Variants in TRAK1 observed in about 807,000 individuals in gnomAD.
The protein encoded by TRAK1 is trafficking kinesin protein 1, also known as trafficking kinesin-binding protein 1.
In TRAK1, 33 loss-of-function variants were observed where a neutral mutation model predicts 92.1. That is an observed-to-expected ratio of 0.36 (90% CI 0.27 to 0.48). TRAK1 has a LOEUF of 0.48. Ranked by LOEUF, TRAK1 falls within the 20% of genes least tolerant of loss-of-function variation. The pLI is 0.99. For synonymous variants in TRAK1, 521 were observed against 517.3 expected (o/e 1.01, Z -0.10); for missense variants, 1,123 against 1,257.9 (o/e 0.89, Z 1.62).
intron 2 of TRAK1, among the ~76,000 whole-genome samples, chr3:42,142,206 C>T (rs1368659667): frequency 6.6e-6 from 1 of 152,184 alleles, no homozygotes; most frequent in Non-Finnish European, 1.5e-5. Context: ...TTCACAGCTT[C>T]CAGGTGGACA....
intron 2 of TRAK1, among the ~76,000 whole-genome samples, chr3:42,171,677 A>T (rs1385846155): frequency 6.6e-6 from 1 of 152,070 alleles, no homozygotes; most frequent in Non-Finnish European, 1.5e-5. Context: ...CCCCAATGCC[A>T]CACCACCTTT....
intron 1 of TRAK1, among the ~76,000 whole-genome samples, chr3:42,107,327 A>G (rs1158929712): frequency 6.6e-6 from 1 of 152,108 alleles, no homozygotes; most frequent in African/African-American, 2.4e-5. Context: ...CATCGTGGCC[A>G]ACATGAGGAA....
At chr3:42,064,459 T>C (rs1348127014) in intron 1 of TRAK1, among the ~76,000 whole-genome samples, 1 of 152,212 alleles carries the variant, frequency 6.6e-6, no homozygotes, top group Non-Finnish European at 1.5e-5. Flanking sequence ...GAACTTGCTG[T>C]CTGAGTTACC....
intron 2 of TRAK1, among the ~76,000 whole-genome samples, chr3:42,135,798 C>A (rs944473000): frequency 2.0e-5 from 3 of 152,160 alleles, no homozygotes; most frequent in Non-Finnish European, 2.9e-5. Context: ...GGCTTGGGGT[C>A]TTCTCTTGCC....
chr3:42,092,967 T>C (rs1449930920), intron 1 of TRAK1, among the ~76,000 whole-genome samples: 1 of 152,120 alleles, frequency 6.6e-6, no homozygotes, highest in African/African-American at 2.4e-5. Context: ...AAATAAAACA[T>C]TATGGAATTC....
Position 42,219,581 on chromosome 3 carries a change from C to T in TRAK1, c.2051C>T (p.Thr684Ile). Reference sequence around the variant, plus strand: ...ATCCTGCATCCTTCAGATGAGCTCACTCGGGTCACACCAAGGTAAGGGACC... The same window carrying T: ...ATCCTGCATCCTTCAGATGAGCTCATTCGGGTCACACCAAGGTAAGGGACC... ...CRILHPSDEL[T>I]RVTPSLNSAP... is the part of the protein sequence containing the mutation. The change falls in exon 15 of 16, where the codon ACT becomes ATT. Residue 684 changes from threonine to isoleucine, a missense_variant. Physicochemically the swap from Thr to Ile is moderately conservative, Grantham distance 89 (BLOSUM62 -1). This residue lies in a region of TRAK1 where 401 missense variants were observed against 438.9 expected (regional missense o/e 0.91). Transcript: ENST00000327628. 2.5e-6 allele frequency: 4 copies of T among 1,595,504 alleles called. No individual in the cohort carries two copies. The highest frequency in any genetic ancestry group is 3.4e-6 in the Non-Finnish European group (4 of 1,169,628).
At chr3:42,093,425 A>G (rs776416976) in intron 1 of TRAK1, among the ~76,000 whole-genome samples, 4 of 152,144 alleles carry the variant, frequency 2.6e-5, no homozygotes, top group Non-Finnish European at 5.9e-5. Context: ...CCTTATGACT[A>G]GGTGAGTAGG....
intron 14 of TRAK1, among the ~76,000 whole-genome samples, chr3:42,213,576 C>A (rs900596170): frequency 1.3e-5 from 2 of 152,208 alleles, no homozygotes; most frequent in Admixed American, 1.3e-4. Flanking sequence ...AGGAGCCAGG[C>A]GGAGTCAGGC....
intron 15 of TRAK1, among the ~76,000 whole-genome samples, chr3:42,220,824 A>G (rs1327790804): frequency 6.6e-6 from 1 of 152,184 alleles, no homozygotes; most frequent in Non-Finnish European, 1.5e-5. Flanking sequence ...CGGGGATCAT[A>G]AATATTAGCT....
chr3:42,128,597 T>C (rs1194766006), intron 2 of TRAK1, among the ~76,000 whole-genome samples: 1 of 152,160 alleles, frequency 6.6e-6, no homozygotes, highest in African/African-American at 2.4e-5. Context: ...AGCAAAAAAA[T>C]TACTTTTATT....
intron 2 of TRAK1, among the ~76,000 whole-genome samples, chr3:42,143,340 C>T (rs1004048087): frequency 2.1e-5 from 3 of 141,420 alleles, no homozygotes; most frequent in African/African-American, 8.0e-5. Context: ...ATTCCATTAG[C>T]AAATAATCCT....
At chr3:42,127,428 C>T (rs1299043242) in intron 2 of TRAK1, among the ~76,000 whole-genome samples, 1 of 150,052 alleles carries the variant, frequency 6.7e-6, no homozygotes, top group African/African-American at 2.5e-5. Flanking sequence ...ATATGGCTTA[C>T]TGCAGCTTTG....
chr3:42,051,724 C>G (rs1576185204), intron 1 of TRAK1: 1 of 152,286 alleles, frequency 6.6e-6, no homozygotes, highest in African/African-American at 2.4e-5. Context: ...AGATGGCTAG[C>G]CCTTTGCTAC....
In TRAK1 at chr3:42,202,958, G is replaced by GCA; in HGVS notation, c.1744+211_1744+212dup. ...CCCTCTGGCTGGCAGGTGTGACAAT[G>GCA]CACACATAGGCCATGAAACTCGCCG... On this transcript the variant is annotated intron_variant, in intron 13 of 15. Coordinates refer to ENST00000327628, the MANE Select transcript of TRAK1 (RefSeq NM_001042646.3). This position sits in a 1 kb window ranked among gnomAD's most constrained non-coding sequence, Gnocchi z 6.1. The GCA allele has an allele frequency of 2.2e-6, 3 of 1,370,092 alleles. No individual in the cohort carries two copies. The highest frequency in any genetic ancestry group is 2.8e-6 in the Non-Finnish European group (3 of 1,060,418). The allele number at this position is 1,370,092 out of a possible 1,614,324, so 84.9% of individuals were successfully genotyped here.
intron 1 of TRAK1, among the ~76,000 whole-genome samples, chr3:42,075,779 G>A (rs1014630951): frequency 6.6e-6 from 1 of 152,158 alleles, no homozygotes; most frequent in South Asian, 2.1e-4. Context: ...TTTTGGCCAT[G>A]TGTATGTCTT....
intron 1 of TRAK1, among the ~76,000 whole-genome samples, chr3:42,095,187 TC>T (rs1391643356): frequency 6.6e-6 from 1 of 152,186 alleles, no homozygotes; most frequent in African/African-American, 2.4e-5. Flanking sequence ...GAGGAGTAGC[TC>T]TGTGCCTGGC....
chr3:42,015,993 C>T (rs1387681819), intron 1 of TRAK1, among the ~76,000 whole-genome samples: 5 of 151,972 alleles, frequency 3.3e-5, no homozygotes, highest in African/African-American at 1.2e-4. Context: ...GCCAAGATCC[C>T]GCCACTGCAC....
chr3:42,202,780 C>T lies in TRAK1; in HGVS notation c.1744+28C>T, dbSNP rs771009122. 23 of 1,611,608 alleles carry T rather than the reference C, an allele frequency of 1.4e-5. No individual in the cohort carries two copies. The South Asian group carries it at 2.3e-4, about 16-fold the overall frequency. ...GATCACGCGGGGCCTCGGCCCCTCT[C>T]TGTCCTCCTGGGGGACTCCCTTTGG... On this transcript the variant is annotated intron_variant, in intron 13 of 15. Transcript: ENST00000327628. The surrounding 1 kb of genome is among the most constrained non-coding windows in gnomAD (Gnocchi z 6.1).
At chr3:42,146,196 AC>A (rs1457895567) in intron 2 of TRAK1, 1 of 316,252 alleles carries the variant, frequency 3.2e-6, no homozygotes, top group African/African-American at 2.2e-5. Flanking sequence ...GTCTACTCTC[AC>A]CTTTAAGAAA....
Sources: gnomAD v4.1 joint callset for allele counts (sites outside exome capture counted in the v4.1 genomes callset) on GRCh38, gnomAD v4.1.1 for gene constraint, gnomAD v4.1.1 regional missense constraint, Gnocchi (gnomAD v3.1) non-coding constraint, MANE v1.5 for transcripts, NCBI Gene and HGNC (gene_info 2026-07-23, HGNC 2026-07-21) for gene names.